The following EFNA5 variants were observed in gnomAD, a reference collection of about 807,000 sequenced individuals.
EFNA5 encodes the protein ephrin A5, also known as ephrin-A5.
EFNA5 carries 5 observed loss-of-function variants against 22.9 expected under a neutral mutation model. The ratio of observed to expected loss-of-function variants is 0.22; its 90% CI spans 0.11 to 0.46. The LOEUF (loss-of-function observed/expected upper bound fraction) is 0.46, where lower values mean the gene tolerates loss of function less well. EFNA5 is among the 20% of genes least tolerant of loss of function. The probability of loss-of-function intolerance (pLI) is 0.99; values close to 1 mark genes in which losing one functional copy is unlikely to be tolerated. For synonymous variants in EFNA5, 113 were observed against 112.2 expected (o/e 1.01, Z -0.04); for missense variants, 237 against 293.3 (o/e 0.81, Z 1.40).
Position 107,574,542 on chromosome 5 carries a change from TAAG to T in EFNA5, c.125+95944_125+95946del, listed in dbSNP as rs1404117947. 3.9e-5 allele frequency among the ~76,000 whole-genome samples: 6 copies of T among 152,334 alleles called. No individual in the cohort carries two copies. In the East Asian group the frequency reaches 1.2e-3, roughly 29 times the overall value. On this transcript the variant is annotated intron_variant, in intron 1 of 4. Coordinates refer to ENST00000333274, the MANE Select transcript of EFNA5 (RefSeq NM_001962.3). ...GATTAGTAGGCAGCCTTTATTCTCA[TAAG>T]AAGATTTTTTTCCCCCCATGGAAAA...
At chr5:107,501,214 T>C (rs1044573086) in intron 1 of EFNA5, among the ~76,000 whole-genome samples, 3 of 152,234 alleles carry the variant, frequency 2.0e-5, no homozygotes, top group Non-Finnish European at 2.9e-5. Context: ...GCCTCACTTA[T>C]AGATATTGAC....
At chr5:107,571,035 T>C (rs1247524410) in intron 1 of EFNA5, among the ~76,000 whole-genome samples, 1 of 151,662 alleles carries the variant, frequency 6.6e-6, no homozygotes, top group Non-Finnish European at 1.5e-5. Flanking sequence ...CACTCTCTCT[T>C]CTCTCTCTCT....
At chr5:107,526,191 A>G (rs388016) in intron 1 of EFNA5, among the ~76,000 whole-genome samples, 55,762 of 152,062 alleles carry the variant, frequency 0.37, 11,204 homozygotes, top group African/African-American at 0.51. Context: ...CATGAGCCCT[A>G]TGTTATTCTA....
intron 1 of EFNA5, among the ~76,000 whole-genome samples, chr5:107,525,116 A>C (rs1747668591): frequency 6.6e-6 from 1 of 152,198 alleles, no homozygotes; most frequent in Non-Finnish European, 1.5e-5. Flanking sequence ...CTTTTGACAG[A>C]AAATTTAACC....
At position 107,563,305 on chromosome 5, in the gene EFNA5, T is replaced by A. The variant is rs1748588477; in HGVS notation, c.125+107184A>T. On this transcript the variant is annotated intron_variant, in intron 1 of 4. Coordinates refer to ENST00000333274, the MANE Select transcript of EFNA5 (RefSeq NM_001962.3). ...CCAAGCACCCCACTTTCCTGCCCCATCATTAAAACCTGGGAGTCATCTCAC... is the reference window on the plus strand; with the variant it reads ...CCAAGCACCCCACTTTCCTGCCCCAACATTAAAACCTGGGAGTCATCTCAC... Among the ~76,000 whole-genome samples the A allele has an allele frequency of 3.3e-5, 5 of 152,144 alleles. No individual in the cohort carries two copies. In the South Asian group the frequency reaches 1.0e-3, roughly 31 times the overall value.
chr5:107,462,134 C>T (rs17159996), intron 1 of EFNA5, among the ~76,000 whole-genome samples: 18,444 of 152,056 alleles, frequency 0.12, 1,327 homozygotes, highest in African/African-American at 0.19. Context: ...ACACACCCCA[C>T]GCAAAAACGC....
At chr5:107,531,635 T>G (rs556352866) in intron 1 of EFNA5, among the ~76,000 whole-genome samples, 1 of 152,306 alleles carries the variant, frequency 6.6e-6, no homozygotes, top group East Asian at 1.9e-4. Context: ...GCTGCTGACC[T>G]CTGGGAATAC....
intron 1 of EFNA5, among the ~76,000 whole-genome samples, chr5:107,580,930 TAGAGAATTTCCTGATCTC>T (rs1002361349): frequency 1.6e-4 from 24 of 152,106 alleles, no homozygotes; most frequent in South Asian, 2.1e-4. Context: ...AAAACGAGCT[TAGAGAATTTCCTGATCTC>T]AGCATTGAGC....
intron 1 of EFNA5, among the ~76,000 whole-genome samples, chr5:107,513,669 G>A (rs780417820): frequency 1.3e-5 from 2 of 152,138 alleles, no homozygotes; most frequent in African/African-American, 2.4e-5. Flanking sequence ...CTTCTTGCAA[G>A]CCTGCAAAAC....
At chr5:107,409,363 G>C (rs1271652435) in intron 2 of EFNA5, among the ~76,000 whole-genome samples, 3 of 152,236 alleles carry the variant, frequency 2.0e-5, no homozygotes, top group African/African-American at 7.2e-5. Flanking sequence ...AAGCCTGTGA[G>C]AGATTGGAAG....
chr5:107,481,908 AG>A (rs935627216), intron 1 of EFNA5, among the ~76,000 whole-genome samples: 9 of 152,082 alleles, frequency 5.9e-5, no homozygotes, highest in Admixed American at 2.0e-4. Context: ...GGTTACAATA[AG>A]GTCTCATTAC....
At chr5:107,414,025 C>A (rs529367810) in intron 2 of EFNA5, among the ~76,000 whole-genome samples, 1 of 152,190 alleles carries the variant, frequency 6.6e-6, no homozygotes, top group African/African-American at 2.4e-5. Context: ...CTAGTACCCA[C>A]TTCTTTCAAG....
intron 3 of EFNA5, 151 bp from the exon 4 acceptor site, chr5:107,387,466 A>G: frequency 1.6e-6 from 1 of 625,032 alleles, no homozygotes. Context: ...TATTGTTCCC[A>G]TTTGCTCTGC....
chr5:107,437,446 T>A (rs776122047), intron 1 of EFNA5, among the ~76,000 whole-genome samples: 1 of 152,196 alleles, frequency 6.6e-6, no homozygotes, highest in Non-Finnish European at 1.5e-5. Context: ...AGCTCTGCAG[T>A]CATTAGAAAC....
At chr5:107,565,853 G>A (rs354182) in intron 1 of EFNA5, among the ~76,000 whole-genome samples, 41,154 of 152,148 alleles carry the variant, frequency 0.27, 5,661 homozygotes, top group South Asian at 0.35. Flanking sequence ...CCACTGTTAG[G>A]AAGAAGATGG....
At chr5:107,404,382 C>A (rs1001272883) in intron 2 of EFNA5, among the ~76,000 whole-genome samples, 7 of 152,128 alleles carry the variant, frequency 4.6e-5, no homozygotes, top group Non-Finnish European at 1.0e-4. Context: ...TTTAACTTGA[C>A]CAAATACAAA....
chr5:107,581,625 C>G (rs1486571267), intron 1 of EFNA5, among the ~76,000 whole-genome samples: 1 of 152,202 alleles, frequency 6.6e-6, no homozygotes, highest in Non-Finnish European at 1.5e-5. Flanking sequence ...CCAGACAGTT[C>G]ACTACTGCAG....
chr5:107,492,882 C>A (rs762812170), intron 1 of EFNA5, among the ~76,000 whole-genome samples: 24 of 151,608 alleles, frequency 1.6e-4, no homozygotes, highest in Non-Finnish European at 3.1e-4. Flanking sequence ...ACCTGTAATC[C>A]CAACTATTCA....
chr5:107,534,382 C>A (rs543675769), intron 1 of EFNA5, among the ~76,000 whole-genome samples: 1 of 152,184 alleles, frequency 6.6e-6, no homozygotes, highest in Non-Finnish European at 1.5e-5. Flanking sequence ...CACATGCAAA[C>A]TGCATGAGCT....
Sources: allele counts gnomAD v4.1 joint callset (sites outside exome capture counted in the v4.1 genomes callset), GRCh38; gene constraint gnomAD v4.1.1; transcripts MANE v1.5; gene names NCBI Gene and HGNC (gene_info 2026-07-23, HGNC 2026-07-21).